The following SEMA3A variants were observed in gnomAD, a reference collection of about 807,000 sequenced individuals.
SEMA3A encodes the protein semaphorin-3A.
SEMA3A carries 29 observed loss-of-function variants against 97.9 expected under a neutral mutation model. That is an observed-to-expected ratio of 0.30 (90% CI 0.22 to 0.40). The LOEUF (loss-of-function observed/expected upper bound fraction) is 0.40. Among genes scored for constraint, SEMA3A ranks in the 10% least tolerant of loss-of-function variants. The probability of loss-of-function intolerance (pLI) is 1.00; values close to 1 mark genes in which losing one functional copy is unlikely to be tolerated. For missense variants in SEMA3A, 763 were observed against 951.3 expected (o/e 0.80, Z 2.60); for synonymous variants, 321 against 323.7 (o/e 0.99, Z 0.09).
At chr7:84,439,885 G>A (rs1479729531) in intron 1 of SEMA3A, among the ~76,000 whole-genome samples, 2 of 152,038 alleles carry the variant, frequency 1.3e-5, no homozygotes, top group Non-Finnish European at 2.9e-5. Flanking sequence ...ATTTAAAGAT[G>A]AATAAAATCA....
intron 2 of SEMA3A, among the ~76,000 whole-genome samples, chr7:84,349,883 A>T (rs1287868458): frequency 1.3e-5 from 2 of 151,964 alleles, no homozygotes; most frequent in African/African-American, 4.8e-5. Flanking sequence ...GTCTTCAAAG[A>T]TTTGTCCTAA....
At position 84,150,967 on chromosome 7, in the gene SEMA3A, C is replaced by A. The variant is rs555078877; in HGVS notation, c.113-16016G>T. Among the ~76,000 whole-genome samples the A allele has an allele frequency of 2.4e-3, 357 of 149,636 alleles. 11 individuals are homozygous for A. In the South Asian group the frequency reaches 0.049, roughly 20 times the overall value. On this transcript the variant is annotated intron_variant, in intron 1 of 16. Coordinates refer to ENST00000265362, the MANE Select transcript of SEMA3A (RefSeq NM_006080.3). ...GAGCAGCCTAACTGGGAGGCACCCC[C>A]CAGCAGGGGCACACTGACACCTCAC...
chr7:83,991,367 G>C (rs1380374561), intron 12 of SEMA3A, among the ~76,000 whole-genome samples: 1 of 151,736 alleles, frequency 6.6e-6, no homozygotes, highest in African/African-American at 2.4e-5. Context: ...TTGAATAGGA[G>C]TGGTGAGAGA....
At position 84,303,216 on chromosome 7, in the gene SEMA3A, C is replaced by T. The variant is rs148296931; in HGVS notation, c.-83+3991G>A. On this transcript the variant is annotated intron_variant, in intron 3 of 3. Transcript: ENST00000424555. The stretch of plus-strand genomic sequence containing the variant: ...CCAAGCCTCTAAGCACTCTTTATGA[C>T]CCTGTGGGCACTAACATTTGAGTCA... 5.9e-3 allele frequency among the ~76,000 whole-genome samples: 892 copies of T among 152,164 alleles called. 9 individuals are homozygous for T. In the Middle Eastern group the frequency reaches 0.088, roughly 15 times the overall value.
At chr7:84,195,247 C>G (rs559011592), upstream of SEMA3A, 4 of 152,218 alleles carry the variant, frequency 2.6e-5, no homozygotes, top group East Asian at 7.7e-4. Context: ...GGAGCAGAAC[C>G]CTCAGGCGTG....
intron 12 of SEMA3A, among the ~76,000 whole-genome samples, chr7:83,987,934 A>G (rs1053400532): frequency 1.3e-5 from 2 of 152,168 alleles, no homozygotes; most frequent in African/African-American, 4.8e-5. Context: ...GAGGTGGCCT[A>G]CTATTTTCAG....
At chr7:84,453,011 A>C (rs1405250441) in intron 1 of SEMA3A, among the ~76,000 whole-genome samples, 1 of 152,176 alleles carries the variant, frequency 6.6e-6, no homozygotes, top group African/African-American at 2.4e-5. Context: ...GATTTGTAGC[A>C]GGTCATTTTT....
chr7:84,220,990 G>A (rs965453282), intron 3 of SEMA3A, among the ~76,000 whole-genome samples: 1 of 152,070 alleles, frequency 6.6e-6, no homozygotes, highest in Non-Finnish European at 1.5e-5. Flanking sequence ...TCAAAATCTT[G>A]GATGGCATCT....
chr7:84,361,796 G>A (rs1802728156), intron 2 of SEMA3A, among the ~76,000 whole-genome samples: 1 of 151,952 alleles, frequency 6.6e-6, no homozygotes, highest in Admixed American at 6.6e-5. Context: ...TTTATGGGTA[G>A]GCCAGGGAAG....
At chr7:84,236,279 C>T (rs921866834) in intron 3 of SEMA3A, among the ~76,000 whole-genome samples, 2 of 152,062 alleles carry the variant, frequency 1.3e-5, no homozygotes, top group East Asian at 1.9e-4. Context: ...TGTCAGTGGG[C>T]GAATGAAGTA....
chr7:84,040,271 T>C (rs1424094440), intron 6 of SEMA3A, among the ~76,000 whole-genome samples: 1 of 147,196 alleles, frequency 6.8e-6, no homozygotes, highest in African/African-American at 2.5e-5. Flanking sequence ...TAAAATTCAA[T>C]GGCATTGCTT....
rs187791997 is a variant in SEMA3A, at chr7:84,223,216, A to G, written c.-82-28548T>C. 2.4e-4 allele frequency among the ~76,000 whole-genome samples: 37 copies of G among 151,952 alleles called. No individual in the cohort carries two copies. The East Asian group carries it at 7.0e-3, about 29-fold the overall frequency. On this transcript the variant is annotated intron_variant, in intron 3 of 3. Transcript: ENST00000424555. ...ACCAAAGTTTAGTTAATGTTTCACG[A>G]AGAAGAAATAGGGTAAGAAGAAAAA...
chr7:84,036,473 G>A (rs1317213705), intron 6 of SEMA3A, among the ~76,000 whole-genome samples: 1 of 152,030 alleles, frequency 6.6e-6, no homozygotes, highest in African/African-American at 2.4e-5. Context: ...AGTGATTCTG[G>A]GAGGACTTAT....
intron 6 of SEMA3A, among the ~76,000 whole-genome samples, chr7:84,041,998 G>A (rs1792150956): frequency 6.6e-6 from 1 of 152,118 alleles, no homozygotes; most frequent in Non-Finnish European, 1.5e-5. Context: ...TAAAAGAGCT[G>A]TACAAGTGTA....
chr7:84,223,873 T>G (rs1798934245), intron 3 of SEMA3A, among the ~76,000 whole-genome samples: 1 of 151,798 alleles, frequency 6.6e-6, no homozygotes, highest in South Asian at 2.1e-4. Context: ...ACGGCTTATA[T>G]TACATACTTC....
At chr7:84,349,593 C>T (rs990673684) in intron 2 of SEMA3A, among the ~76,000 whole-genome samples, 1 of 152,140 alleles carries the variant, frequency 6.6e-6, no homozygotes, top group Non-Finnish European at 1.5e-5. Flanking sequence ...GGCTGCATAG[C>T]ATACATGTGG....
intron 4 of SEMA3A, among the ~76,000 whole-genome samples, chr7:84,090,769 G>C (rs1794540751): frequency 6.6e-6 from 1 of 151,972 alleles, no homozygotes; most frequent in Non-Finnish European, 1.5e-5. Flanking sequence ...CTACACTGTA[G>C]AAAATTGTGT....
In SEMA3A at chr7:84,009,718, A is replaced by G. The variant is rs372285747; in HGVS notation, c.995+1304T>C. Among the ~76,000 whole-genome samples the G allele has an allele frequency of 2.9e-4, 44 of 151,968 alleles. No individual in the cohort carries two copies. In the East Asian group the frequency reaches 3.5e-3, roughly 12 times the overall value. On this transcript the variant is annotated intron_variant, in intron 9 of 16. Coordinates refer to ENST00000265362, the MANE Select transcript of SEMA3A (RefSeq NM_006080.3). Reference sequence around the variant, plus strand: ...ATCTCTGCTTAATTGACAGCGAGAGACTTAGGGAGGATGAGAAATAGGAAA... The same window carrying G: ...ATCTCTGCTTAATTGACAGCGAGAGGCTTAGGGAGGATGAGAAATAGGAAA...
intron 12 of SEMA3A, among the ~76,000 whole-genome samples, chr7:83,988,014 C>T (rs1225729278): frequency 1.3e-5 from 2 of 152,116 alleles, no homozygotes; most frequent in South Asian, 2.1e-4. Context: ...TATTATTAGA[C>T]TTTGTTTTAT....
Sources: gnomAD v4.1 joint callset for allele counts (sites outside exome capture counted in the v4.1 genomes callset) on GRCh38, gnomAD v4.1.1 for gene constraint, MANE v1.5 for transcripts, NCBI Gene and HGNC (gene_info 2026-07-23, HGNC 2026-07-21) for gene names.